Variants in DGKB observed in about 807,000 individuals in gnomAD.
DGKB encodes the protein 90 kDa diacylglycerol kinase.
Under a neutral mutation model 114.3 loss-of-function variants are expected in DGKB, and 67 were observed. The observed-to-expected ratio is 0.59, with a 90% CI of 0.48 to 0.72. The LOEUF is 0.72. DGKB is among the 30% of genes least tolerant of loss of function. DGKB has a pLI of 0.00. For synonymous variants in DGKB, 398 were observed against 323.1 expected, an observed-to-expected ratio of 1.23 and a Z score of -2.49; for missense variants, 907 against 975.2, an observed-to-expected ratio of 0.93 and a Z score of 0.93.
intron 21 of DGKB, among the ~76,000 whole-genome samples, chr7:14,430,521 A>T (rs1828299426): frequency 6.6e-6 from 1 of 152,164 alleles, no homozygotes; most frequent in Non-Finnish European, 1.5e-5. Flanking sequence ...TAGTTTTAAG[A>T]TTTAAAATTT....
At chr7:14,274,235 C>T (rs1277873523) in intron 23 of DGKB, among the ~76,000 whole-genome samples, 2 of 152,186 alleles carry the variant, frequency 1.3e-5, no homozygotes, top group Non-Finnish European at 2.9e-5. Flanking sequence ...GCACTGTACT[C>T]AGGAGATTCC....
chr7:14,452,608 T>C (rs1349705052), intron 21 of DGKB, among the ~76,000 whole-genome samples: 1 of 152,070 alleles, frequency 6.6e-6, no homozygotes, highest in Non-Finnish European at 1.5e-5. Context: ...TGAATGTGAA[T>C]TTAACTCAGA....
In DGKB at chr7:14,577,583, C is replaced by G. The variant is rs537391502; in HGVS notation, c.1610-3211G>C. ...AGTGAGCTGAGATTGCGCCACTGCA[C>G]TCCAGCCTGGGCCAAAGAGTGAGAC... On this transcript the variant is annotated intron_variant, in intron 19 of 25. Transcript: ENST00000402815. Among the ~76,000 whole-genome samples the G allele has an allele frequency of 9.1e-4, 139 of 152,114 alleles. 1 individual carries two copies. Among genetic ancestry groups the G allele is most frequent in the African/African-American group, 3.2e-3 (134 of 41,436 alleles).
At chr7:14,289,143 C>T (rs992908660) in intron 23 of DGKB, among the ~76,000 whole-genome samples, 38 of 151,812 alleles carry the variant, frequency 2.5e-4, no homozygotes, top group African/African-American at 6.5e-4. Context: ...GGCAATTGAT[C>T]GACTTAATAT....
chr7:14,728,094 A>G (rs943951729), intron 5 of DGKB, among the ~76,000 whole-genome samples: 11 of 152,200 alleles, frequency 7.2e-5, no homozygotes, highest in Non-Finnish European at 1.3e-4. Flanking sequence ...TCCTATTGAT[A>G]TTATAGCTTA....
At chr7:14,630,643 TC>T (rs1345119126) in intron 13 of DGKB, among the ~76,000 whole-genome samples, 1 of 152,074 alleles carries the variant, frequency 6.6e-6, no homozygotes, top group African/African-American at 2.4e-5. Flanking sequence ...AGTCCAACTC[TC>T]ATTCTTTCCT....
intron 23 of DGKB, among the ~76,000 whole-genome samples, chr7:14,239,870 G>A (rs1793384504): frequency 6.6e-6 from 1 of 151,958 alleles, no homozygotes. Context: ...CTATTATCAA[G>A]GGATTGAAGT....
chr7:14,554,743 C>G (rs1457765810), intron 20 of DGKB, among the ~76,000 whole-genome samples: 1 of 151,894 alleles, frequency 6.6e-6, no homozygotes, highest in Non-Finnish European at 1.5e-5. Flanking sequence ...ATTTGAAAGG[C>G]AAAATATGGT....
At chr7:14,942,289 C>T (rs1206062136) in intron 1 of DGKB, among the ~76,000 whole-genome samples, 7 of 151,584 alleles carry the variant, frequency 4.6e-5, no homozygotes, top group South Asian at 2.1e-4. Context: ...AAAAGAGGGG[C>T]GAGAAAGGCA....
chr7:14,442,527 A>G (rs964379360), intron 21 of DGKB, among the ~76,000 whole-genome samples: 16 of 152,018 alleles, frequency 1.1e-4, no homozygotes, highest in African/African-American at 3.9e-4. Context: ...ACTCTCCTCA[A>G]ATTTTTGGAG....
chr7:14,821,105 C>G (rs1256424189), intron 2 of DGKB, among the ~76,000 whole-genome samples: 2 of 152,070 alleles, frequency 1.3e-5, no homozygotes, highest in African/African-American at 4.8e-5. Flanking sequence ...CAATAACATA[C>G]CTTTGACTAA....
At chr7:14,833,590 T>A (rs1261293445) in intron 2 of DGKB, among the ~76,000 whole-genome samples, 1 of 152,164 alleles carries the variant, frequency 6.6e-6, no homozygotes, top group African/African-American at 2.4e-5. Flanking sequence ...TGTTGATGGA[T>A]AATATTTTAT....
chr7:14,315,998 T>G (rs1415669770), intron 23 of DGKB, among the ~76,000 whole-genome samples: 2 of 151,302 alleles, frequency 1.3e-5, no homozygotes, highest in Admixed American at 6.6e-5. Flanking sequence ...ACCGCTCAAC[T>G]ACATGGAAAC....
intron 13 of DGKB, among the ~76,000 whole-genome samples, chr7:14,641,084 G>A (rs982211235): frequency 1.3e-5 from 2 of 152,068 alleles, no homozygotes; most frequent in African/African-American, 2.4e-5. Context: ...CATAGTTTGT[G>A]GCAATTTAGT....
At chr7:14,652,822 C>A (rs540639308) in intron 13 of DGKB, among the ~76,000 whole-genome samples, 2 of 152,234 alleles carry the variant, frequency 1.3e-5, no homozygotes, top group South Asian at 4.1e-4. Flanking sequence ...AAACAAACAA[C>A]CCCATCAAAA....
chr7:14,939,787 G>C (rs55654427), intron 1 of DGKB, among the ~76,000 whole-genome samples: 21,603 of 151,628 alleles, frequency 0.14, 1,611 homozygotes, highest in Admixed American at 0.2. Flanking sequence ...CTAATTTTTT[G>C]TATTTTTAGT....
At chr7:14,478,314 C>A in intron 20 of DGKB, 89 bp from the exon 21 acceptor site, 2 of 788,696 alleles carry the variant, frequency 2.5e-6, no homozygotes, top group South Asian at 2.9e-5. Flanking sequence ...AATAACATTT[C>A]AAAATGAACT....
intron 23 of DGKB, chr7:14,269,192 C>T (rs1797936313): frequency 6.6e-6 from 1 of 152,246 alleles, no homozygotes; most frequent in Non-Finnish European, 1.5e-5. Context: ...GCTGGCTTTA[C>T]CCAGAGTGCA....
At chr7:14,219,833 G>A (rs570459023) in intron 23 of DGKB, among the ~76,000 whole-genome samples, 114 of 151,794 alleles carry the variant, frequency 7.5e-4, no homozygotes, top group African/African-American at 2.0e-3. Context: ...CATCATATAT[G>A]AGAATCCATT....
Sources: allele counts gnomAD v4.1 joint callset (sites outside exome capture counted in the v4.1 genomes callset), GRCh38; gene constraint gnomAD v4.1.1; transcripts MANE v1.5; gene names NCBI Gene and HGNC (gene_info 2026-07-23, HGNC 2026-07-21).